DNAH10: variants seen among roughly 807,000 people sequenced by gnomAD.
DNAH10 encodes dynein axonemal heavy chain 10.
A neutral mutation model predicts 506.6 loss-of-function variants in DNAH10; 348 were observed. That is an observed-to-expected ratio of 0.69 (90% CI 0.63 to 0.75). The LOEUF (loss-of-function observed/expected upper bound fraction) is 0.75, where lower values mean the gene tolerates loss of function less well. Among genes scored for constraint, DNAH10 ranks in the 30% least tolerant of loss-of-function variants. The pLI is 0.00. For synonymous variants in DNAH10, 2,059 were observed against 2,198.6 expected (o/e 0.94, Z 1.78); for missense variants, 5,179 against 5,787.1 (o/e 0.89, Z 3.41).
At chr12:123,816,151 G>A (rs1959135679) in intron 21 of DNAH10, among the ~76,000 whole-genome samples, 1 of 152,164 alleles carries the variant, frequency 6.6e-6, no homozygotes, top group African/African-American at 2.4e-5. Context: ...CTTTGTCCCT[G>A]GTTCCTGGCG....
chr12:123,880,757 C>T (rs917783354), intron 50 of DNAH10, among the ~76,000 whole-genome samples: 8 of 150,286 alleles, frequency 5.3e-5, no homozygotes, highest in Non-Finnish European at 1.0e-4. Context: ...CCCATTAACT[C>T]GTCATTTACA....
rs546052203 is a variant in DNAH10 at position 123,819,345 on chromosome 12, C to G, written c.4000+95C>G. ...GTTTTATGGCAAGTGATGATGGTGCCGTGATTAAAATATTTATTTCTTCCT... is the reference window on the plus strand; with the variant it reads ...GTTTTATGGCAAGTGATGATGGTGCGGTGATTAAAATATTTATTTCTTCCT... On this transcript the variant is annotated intron_variant, in intron 23 of 78. Coordinates refer to ENST00000673944, the MANE Select transcript of DNAH10 (RefSeq NM_001372106.1). 3 of 862,808 alleles carry G rather than the reference C, an allele frequency of 3.5e-6. No homozygotes were observed. In the South Asian group the frequency reaches 5.0e-5, roughly 14 times the overall value. 53.4% of individuals were successfully genotyped at this position (862,808 alleles called of 1,614,324 possible). A position where few individuals can be genotyped will look rare whatever the true frequency, so the allele number is the denominator to read the frequency against.
Position 123,910,641 on chromosome 12 carries a change from T to A in DNAH10, c.10103T>A (p.Val3368Asp). 1.2e-6 allele frequency: 2 copies of A among 1,611,222 alleles called. No homozygotes were observed. The highest frequency in any genetic ancestry group is 1.7e-6 in the Non-Finnish European group (2 of 1,179,784). ...GAAGCTGTAATGGGCTACTGTGATGTTTTCAGAGAAATCAAGCCCAAAAGA... is the reference window on the plus strand; with the variant it reads ...GAAGCTGTAATGGGCTACTGTGATGATTTCAGAGAAATCAAGCCCAAAAGA... ...FVEAVMGYCD[V>D]FREIKPKREK... The change falls in exon 59 of 79, where the codon GTT becomes GAT. Residue 3368 changes from valine to aspartate, a missense_variant. Around this residue, in one of 3 missense-constraint regions of DNAH10, gnomAD observed 4,844 missense variants for 5,430.5 expected, o/e 0.89. Coordinates refer to ENST00000673944, the MANE Select transcript of DNAH10 (RefSeq NM_001372106.1).
In DNAH10 at chr12:123,864,578, T is replaced by A; in HGVS notation, c.6909-17T>A. 1 of 1,612,758 alleles carries A rather than the reference T, an allele frequency of 6.2e-7. No individual in the cohort carries two copies. Among genetic ancestry groups the A allele is most frequent in the East Asian group, 2.2e-5 (1 of 44,854 alleles). On this transcript the variant is annotated splice_polypyrimidine_tract_variant and intron_variant, in intron 39 of 78. Transcript: ENST00000673944. ...GCTCTCTAGGACCCATGGCTCTCCT[T>A]TCTTTGGTTGCTGCAGGTATATTTT... is the stretch of plus-strand genomic sequence containing the variant.
chr12:123,875,170 G>A (rs1318633552), intron 46 of DNAH10, 61 bp from the exon 47 acceptor site: 15 of 1,531,922 alleles, frequency 9.8e-6, no homozygotes, highest in Middle Eastern at 1.8e-4. Context: ...GTCAGCCAAC[G>A]CCTCTCTGAC....
At chr12:123,934,584 G>T in intron 77 of DNAH10, 37 bp from the exon 78 acceptor site, 2 of 1,610,020 alleles carry the variant, frequency 1.2e-6, no homozygotes, top group Non-Finnish European at 1.7e-6. Context: ...GGCTGTGCAT[G>T]CTCCAGTTGT....
In DNAH10 at chr12:123,923,775, G is replaced by A; in HGVS notation, c.11519G>A (p.Arg3840Lys). 1.9e-6 allele frequency: 3 copies of A among 1,608,398 alleles called. No individual in the cohort carries two copies. Among genetic ancestry groups the A allele is most frequent in the Non-Finnish European group, 2.5e-6 (3 of 1,178,434 alleles). ...TGTTTCCCTCCAGGGCTGTTTGAGA[G>A]GCACAAGCTACTCTTTTCTTTTAAT... ...YNHGCTGLFE[R>K]HKLLFSFNMT... Residue 3840 changes from arginine (R) to lysine (K), a missense_variant, in exon 66 of 79, where the codon AGG becomes AAG. Around this residue, in one of 3 missense-constraint regions of DNAH10, gnomAD observed 4,844 missense variants for 5,430.5 expected, o/e 0.89. Transcript: ENST00000673944.
At chr12:123,866,119 G>C (rs1161302047) in intron 41 of DNAH10, 46 bp downstream of exon 41, 3 of 1,505,156 alleles carry the variant, frequency 2.0e-6, no homozygotes, top group Non-Finnish European at 2.7e-6. Context: ...AGTATTGATG[G>C]CTAGTTGGAT....
chr12:123,931,173 T>A (rs1343611930), intron 73 of DNAH10, among the ~76,000 whole-genome samples, 168 bp from the exon 74 acceptor site: 1 of 151,994 alleles, frequency 6.6e-6, no homozygotes, highest in Non-Finnish European at 1.5e-5. Flanking sequence ...AATGACCATG[T>A]CAGTGCACTT....
rs374332859 is a variant in DNAH10 at position 123,813,299 on chromosome 12, C to T, written c.3280C>T (p.Pro1094Ser). 1.9e-6 allele frequency: 3 copies of T among 1,614,062 alleles called. No individual in the cohort carries two copies. Among genetic ancestry groups the T allele is most frequent in the Non-Finnish European group, 2.5e-6 (3 of 1,180,022 alleles). The change falls in exon 20 of 79, where the codon CCC becomes TCC. Residue 1094 changes from proline to serine, a missense_variant. Transcript: ENST00000673944. ...GATAATTGAACAAGCTGTTATGATC[C>T]CCCAAAATGTCCACAGGATTCTGAT... is the stretch of plus-strand genomic sequence containing the variant. ...PQIIEQAVMIPQNVHRILINL... is the reference protein window; with the variant it reads ...PQIIEQAVMISQNVHRILINL...
At chr12:123,820,444 C>T in intron 23 of DNAH10, 136 bp from the exon 24 acceptor site, 1 of 884,154 alleles carries the variant, frequency 1.1e-6, no homozygotes, top group Non-Finnish European at 1.7e-6. Context: ...AGAATGGTGC[C>T]ATGATTCTAA....
intron 32 of DNAH10, among the ~76,000 whole-genome samples, chr12:123,847,090 A>G (rs1303686404): frequency 1.4e-5 from 2 of 147,272 alleles, no homozygotes; most frequent in East Asian, 1.9e-4. Context: ...GTATCTATCT[A>G]TCTATCTAAT....
Position 123,848,864 on chromosome 12 carries a change from TCA to T in DNAH10, c.6085_6086del (p.Gln2029ValfsTer7). Reference sequence around the variant, plus strand: ...AGACGATCCGAAATGCTCTGATCCATCAGTTAACCACGTTCCAGGTGAGACAC... The same window carrying T: ...AGACGATCCGAAATGCTCTGATCCATGTTAACCACGTTCCAGGTGAGACAC... ...IQTIRNALIH[Q>X]LTTFQFEGQE... On this transcript the variant is annotated frameshift_variant, in exon 34 of 79. Coordinates refer to ENST00000673944, the MANE Select transcript of DNAH10 (RefSeq NM_001372106.1). LOFTEE classifies it high-confidence loss of function. 6.2e-7 allele frequency: 1 copy of T among 1,613,778 alleles called. No homozygotes were observed. Among genetic ancestry groups the T allele is most frequent in the Non-Finnish European group, 8.5e-7 (1 of 1,179,834 alleles).
At chr12:123,839,694 A>C (rs1353756760) in intron 29 of DNAH10, among the ~76,000 whole-genome samples, 9 of 118,828 alleles carry the variant, frequency 7.6e-5, no homozygotes, top group East Asian at 2.3e-4. Flanking sequence ...ACAGAGTCTC[A>C]CTCTGTCGCC....
chr12:123,881,057 G>A (rs1025756857), intron 50 of DNAH10, among the ~76,000 whole-genome samples: 9 of 151,948 alleles, frequency 5.9e-5, no homozygotes, highest in African/African-American at 2.2e-4. Flanking sequence ...TCATTGATGG[G>A]CATTTGGGTT....
intron 30 of DNAH10, among the ~76,000 whole-genome samples, chr12:123,842,892 A>G (rs899946672): frequency 1.3e-4 from 20 of 152,222 alleles, no homozygotes; most frequent in African/African-American, 4.8e-4. Flanking sequence ...TCATTTAACT[A>G]ATATTTCTTC....
intron 52 of DNAH10, among the ~76,000 whole-genome samples, chr12:123,892,719 T>A (rs1953040768): frequency 6.6e-6 from 1 of 152,156 alleles, no homozygotes; most frequent in African/African-American, 2.4e-5. Flanking sequence ...AAAAAAGAAG[T>A]CCACGTAGCC....
chr12:123,902,126 C>T lies in DNAH10; in HGVS notation c.9641-813C>T, dbSNP rs10846576. ...TTAGCTTATAAATGCACCACTCCAG[C>T]GTCTGTCTCCATTGCCACACGCCCC... is the stretch of plus-strand genomic sequence containing the variant. On this transcript the variant is annotated intron_variant, in intron 56 of 78. Coordinates refer to ENST00000673944, the MANE Select transcript of DNAH10 (RefSeq NM_001372106.1). This position sits in a 1 kb window ranked among gnomAD's most constrained non-coding sequence, Gnocchi z 4.5. Among the ~76,000 whole-genome samples the T allele has an allele frequency of 0.32, 48,718 of 152,008 alleles. 9,267 individuals carry two copies. The highest frequency in any genetic ancestry group is 0.54 in the African/African-American group (22,375 of 41,410).
rs779010616 is a variant in DNAH10 at position 123,898,798 on chromosome 12, C to T, written c.9624C>T (p.Ala3208=). 34 of 1,610,642 alleles carry T rather than the reference C, an allele frequency of 2.1e-5. No individual in the cohort carries two copies. Among genetic ancestry groups the T allele is most frequent in the South Asian group, 7.7e-5 (7 of 90,448 alleles). ...AACEALLEEI[A]VNTAVAEEKK... The stretch of plus-strand genomic sequence containing the variant: ...GCGAGGCCTTGCTGGAGGAGATCGC[C>T]GTCAACACCGCTGTAGGTGAGTGAG... Residue 3208 remains alanine, a synonymous_variant, in exon 56 of 79, where the codon GCC becomes GCT. Coordinates refer to ENST00000673944, the MANE Select transcript of DNAH10 (RefSeq NM_001372106.1).
Sources: gnomAD v4.1 joint callset for allele counts (sites outside exome capture counted in the v4.1 genomes callset) on GRCh38, gnomAD v4.1.1 for gene constraint, gnomAD v4.1.1 regional missense constraint, Gnocchi (gnomAD v3.1) non-coding constraint, MANE v1.5 for transcripts, NCBI Gene and HGNC (gene_info 2026-07-23, HGNC 2026-07-21) for gene names.